Variants in ATRNL1 observed in about 807,000 individuals in gnomAD.
ATRNL1 encodes attractin-like protein 1.
A neutral mutation model predicts 182.7 loss-of-function variants in ATRNL1; 95 were observed. The observed-to-expected ratio is 0.52, with a 90% CI of 0.44 to 0.62. The LOEUF is 0.62. ATRNL1 is among the 20% of genes least tolerant of loss of function. ATRNL1 has a pLI of 0.00. For synonymous variants in ATRNL1, 576 were observed against 568.3 expected (o/e 1.01, Z -0.19); for missense variants, 1,471 against 1,679.5 (o/e 0.88, Z 2.17).
At chr10:115,562,279 C>G (rs76328797) in intron 26 of ATRNL1, among the ~76,000 whole-genome samples, 1 of 152,044 alleles carries the variant, frequency 6.6e-6, no homozygotes, top group South Asian at 2.1e-4. Flanking sequence ...AGTAAATTCA[C>G]GGTTGCCTTG....
At chr10:115,345,362 T>C (rs1554939421) in intron 19 of ATRNL1, among the ~76,000 whole-genome samples, 1 of 152,186 alleles carries the variant, frequency 6.6e-6, no homozygotes, top group African/African-American at 2.4e-5. Context: ...TTTGTTCAGT[T>C]CTCCTTTCTA....
At chr10:115,482,392 T>A (rs939153032) in intron 24 of ATRNL1, among the ~76,000 whole-genome samples, 7 of 151,040 alleles carry the variant, frequency 4.6e-5, no homozygotes, top group Non-Finnish European at 1.0e-4. Context: ...TAAACACTTA[T>A]GTAAGATAAT....
intron 17 of ATRNL1, among the ~76,000 whole-genome samples, chr10:115,308,609 T>G (rs1055757755): frequency 6.6e-6 from 1 of 152,148 alleles, no homozygotes; most frequent in African/African-American, 2.4e-5. Context: ...CAACTTGATC[T>G]TTTGAAAAGC....
intron 28 of ATRNL1, among the ~76,000 whole-genome samples, chr10:115,873,569 T>C (rs1178042814): frequency 6.6e-6 from 1 of 152,320 alleles, no homozygotes; most frequent in East Asian, 1.9e-4. Flanking sequence ...ATATGTAGAT[T>C]ATCTGACCCT....
At chr10:115,585,359 TC>T (rs1855449078) in intron 26 of ATRNL1, among the ~76,000 whole-genome samples, 2 of 112,758 alleles carry the variant, frequency 1.8e-5, no homozygotes, top group Non-Finnish European at 3.8e-5. Context: ...TGTTAAAGTC[TC>T]CCATTATTAA....
At chr10:115,512,019 A>G (rs782223316) in intron 24 of ATRNL1, among the ~76,000 whole-genome samples, 1 of 151,918 alleles carries the variant, frequency 6.6e-6, no homozygotes, top group Admixed American at 6.6e-5. Context: ...ACAGAATTAC[A>G]AAGGTGCATT....
chr10:115,132,190 T>C lies in ATRNL1; in HGVS notation c.829+2655T>C, dbSNP rs1000028516. On this transcript the variant is annotated intron_variant, in intron 5 of 28. Coordinates refer to ENST00000355044, the MANE Select transcript of ATRNL1 (RefSeq NM_207303.4). ...GTGAGAACACGCGGTGTTTGGTTTT[T>C]TGTCCTTGCGATAGTTTGCTGAGAA... Among the ~76,000 whole-genome samples the C allele has an allele frequency of 4.1e-3, 625 of 152,094 alleles. 2 individuals are homozygous for C. Among genetic ancestry groups the C allele is most frequent in the African/African-American group, 0.013 (545 of 41,426 alleles).
intron 21 of ATRNL1, among the ~76,000 whole-genome samples, chr10:115,460,451 A>C (rs538964218): frequency 1.1e-4 from 17 of 152,214 alleles, no homozygotes; most frequent in Admixed American, 3.3e-4. Context: ...TTTCTTAAAA[A>C]GGCTGCATTC....
intron 17 of ATRNL1, among the ~76,000 whole-genome samples, chr10:115,307,066 T>C (rs2133991914): frequency 6.6e-6 from 1 of 152,292 alleles, no homozygotes; most frequent in Middle Eastern, 3.4e-3. Flanking sequence ...GTTTTCTTGA[T>C]TATTATAGAG....
chr10:115,548,699 T>C (rs1409114222), intron 25 of ATRNL1, among the ~76,000 whole-genome samples: 1 of 152,210 alleles, frequency 6.6e-6, no homozygotes, highest in East Asian at 1.9e-4. Flanking sequence ...ATATAGTACC[T>C]AATATATTAG....
intron 25 of ATRNL1, among the ~76,000 whole-genome samples, chr10:115,538,431 A>G (rs1459953733): frequency 6.6e-6 from 1 of 151,984 alleles, no homozygotes; most frequent in African/African-American, 2.4e-5. Flanking sequence ...TTTAACTTGC[A>G]TTTCCTTAAT....
intron 9 of ATRNL1, among the ~76,000 whole-genome samples, chr10:115,226,913 A>G (rs1159232279): frequency 1.3e-5 from 2 of 152,162 alleles, no homozygotes; most frequent in Admixed American, 1.3e-4. Context: ...CTTTCAACAT[A>G]TACAAAATCA....
intron 27 of ATRNL1, among the ~76,000 whole-genome samples, chr10:115,803,700 G>A (rs1949852531): frequency 6.6e-6 from 1 of 151,520 alleles, no homozygotes; most frequent in East Asian, 1.9e-4. Flanking sequence ...CTCACTATAG[G>A]CCATTTTTCC....
At chr10:115,743,023 G>A (rs1045977814) in intron 27 of ATRNL1, among the ~76,000 whole-genome samples, 2 of 151,902 alleles carry the variant, frequency 1.3e-5, no homozygotes, top group Admixed American at 6.6e-5. Flanking sequence ...GAGAAGTGCC[G>A]AGTAAAAGGG....
chr10:115,917,284 G>C (rs1284672065), intron 28 of ATRNL1, among the ~76,000 whole-genome samples: 1 of 152,012 alleles, frequency 6.6e-6, no homozygotes, highest in African/African-American at 2.4e-5. Context: ...GGCTAACACA[G>C]TGAAACCCCG....
chr10:115,833,549 ATAAAAT>A (rs1252422751), intron 27 of ATRNL1, among the ~76,000 whole-genome samples: 3 of 152,220 alleles, frequency 2.0e-5, no homozygotes, highest in East Asian at 1.9e-4. Flanking sequence ...CATTAAAATG[ATAAAAT>A]TAAATAATAA....
At chr10:115,221,845 A>G (rs1053028557) in intron 9 of ATRNL1, among the ~76,000 whole-genome samples, 1 of 152,166 alleles carries the variant, frequency 6.6e-6, no homozygotes, top group Non-Finnish European at 1.5e-5. Context: ...AATGCCCATA[A>G]TGTAGTTAGA....
chr10:115,775,644 G>A (rs1555077694), intron 27 of ATRNL1, among the ~76,000 whole-genome samples: 1 of 152,008 alleles, frequency 6.6e-6, no homozygotes, highest in Non-Finnish European at 1.5e-5. Flanking sequence ...TTTTATTTAA[G>A]GTACAATAAG....
chr10:115,311,232 C>T (rs538589328), intron 17 of ATRNL1, among the ~76,000 whole-genome samples: 14 of 148,864 alleles, frequency 9.4e-5, no homozygotes, highest in African/African-American at 3.4e-4. Flanking sequence ...CTCTGTGGCC[C>T]AGGCTGGAGT....
Sources: allele counts gnomAD v4.1 joint callset (sites outside exome capture counted in the v4.1 genomes callset), GRCh38; gene constraint gnomAD v4.1.1; transcripts MANE v1.5; gene names NCBI Gene and HGNC (gene_info 2026-07-23, HGNC 2026-07-21).